Variants in NECAB1 observed in about 807,000 individuals in gnomAD.
NECAB1 encodes N-terminal EF-hand calcium-binding protein 1.
NECAB1 carries 29 observed loss-of-function variants against 57.5 expected under a neutral mutation model. The ratio of observed to expected loss-of-function variants is 0.50; its 90% CI spans 0.38 to 0.69. The LOEUF (loss-of-function observed/expected upper bound fraction) is 0.69, where lower values mean the gene tolerates loss of function less well. NECAB1 is among the 30% of genes least tolerant of loss of function. The pLI is 0.00. For synonymous variants in NECAB1, 142 were observed against 147.7 expected, an observed-to-expected ratio of 0.96 and a Z score of 0.28; for missense variants, 372 against 413.8, an observed-to-expected ratio of 0.90 and a Z score of 0.88.
intron 1 of NECAB1, among the ~76,000 whole-genome samples, chr8:90,799,730 A>G (rs1289619926): frequency 2.0e-5 from 3 of 152,160 alleles, no homozygotes; most frequent in African/African-American, 4.8e-5. Context: ...GTTTGAAGTC[A>G]AGTAATGTGA....
chr8:90,858,328 C>T (rs1180655863), intron 3 of NECAB1, among the ~76,000 whole-genome samples: 2 of 152,066 alleles, frequency 1.3e-5, no homozygotes, highest in Non-Finnish European at 2.9e-5. Flanking sequence ...CCAAGGAAGT[C>T]CCCTGAAATC....
chr8:90,862,038 A>G (rs996740698), intron 3 of NECAB1, among the ~76,000 whole-genome samples: 4 of 152,196 alleles, frequency 2.6e-5, no homozygotes, highest in African/African-American at 9.7e-5. Flanking sequence ...ATACTTTTCA[A>G]TTAGTTTGGA....
intron 6 of NECAB1, among the ~76,000 whole-genome samples, chr8:90,920,683 T>C (rs1810087200): frequency 6.6e-6 from 1 of 152,162 alleles, no homozygotes; most frequent in South Asian, 2.1e-4. Context: ...CTGGGAAGCC[T>C]TCACTGCTCA....
chr8:90,829,940 T>C (rs921568478), intron 3 of NECAB1, among the ~76,000 whole-genome samples: 5 of 152,068 alleles, frequency 3.3e-5, no homozygotes, highest in Non-Finnish European at 5.9e-5. Context: ...AATTGGAAAG[T>C]AATGATTTCA....
chr8:90,902,224 A>T (rs1458923964), intron 5 of NECAB1, among the ~76,000 whole-genome samples: 1 of 152,198 alleles, frequency 6.6e-6, no homozygotes, highest in Non-Finnish European at 1.5e-5. Context: ...GTTTGAGACC[A>T]GCCTGGACAA....
At chr8:90,921,391 A>C (rs188978357) in intron 6 of NECAB1, among the ~76,000 whole-genome samples, 138 of 151,762 alleles carry the variant, frequency 9.1e-4, no homozygotes, top group African/African-American at 2.8e-3. Flanking sequence ...CCTGCAGGTC[A>C]GGCATGGTGG....
intron 5 of NECAB1, among the ~76,000 whole-genome samples, chr8:90,906,374 GT>G (rs927114235): frequency 1.4e-4 from 21 of 152,070 alleles, no homozygotes; most frequent in Non-Finnish European, 2.8e-4. Context: ...CACGCATAGA[GT>G]TTTTTTCCCA....
At chr8:90,935,655 C>T (rs1262118795) in intron 9 of NECAB1, among the ~76,000 whole-genome samples, 1 of 152,094 alleles carries the variant, frequency 6.6e-6, no homozygotes, top group Non-Finnish European at 1.5e-5. Flanking sequence ...ACAAATATAA[C>T]TTATCTAATG....
intron 3 of NECAB1, among the ~76,000 whole-genome samples, chr8:90,853,838 G>A (rs1347684771): frequency 1.3e-5 from 2 of 152,144 alleles, no homozygotes; most frequent in Non-Finnish European, 2.9e-5. Context: ...CCAGGAGATG[G>A]GAGATAAGTC....
intron 5 of NECAB1, among the ~76,000 whole-genome samples, chr8:90,894,795 C>T (rs1217089099): frequency 6.6e-6 from 1 of 152,176 alleles, no homozygotes; most frequent in African/African-American, 2.4e-5. Flanking sequence ...GAGCAGCTAA[C>T]TAATAATCTA....
Position 90,896,529 on chromosome 8 carries a change from C to T in NECAB1, c.357+15399C>T, listed in dbSNP as rs1355189267. ...CTGAGGCAGAAGAATGGCGGGAACC[C>T]GGGAGGCGGAGCTTGCAGTGAACCG... On this transcript the variant is annotated intron_variant, in intron 5 of 12. Transcript: ENST00000417640. Among the ~76,000 whole-genome samples the T allele has an allele frequency of 2.6e-5, 4 of 151,864 alleles. No individual in the cohort carries two copies. The East Asian group carries it at 5.9e-4, about 22-fold the overall frequency.
At chr8:90,925,823 T>TG (rs1329673152) in intron 7 of NECAB1, among the ~76,000 whole-genome samples, 167 bp downstream of exon 7, 6 of 152,118 alleles carry the variant, frequency 3.9e-5, no homozygotes, top group African/African-American at 1.4e-4. Flanking sequence ...AGAACTGGGG[T>TG]GGTGAGCCTA....
intron 6 of NECAB1, among the ~76,000 whole-genome samples, chr8:90,917,911 T>A (rs1810004949): frequency 8.0e-6 from 1 of 125,310 alleles, no homozygotes; most frequent in Non-Finnish European, 1.6e-5. Flanking sequence ...TGTGTATATA[T>A]ATACACACAC....
intron 3 of NECAB1, among the ~76,000 whole-genome samples, chr8:90,854,622 T>C (rs556815507): frequency 1.1e-4 from 16 of 152,348 alleles, no homozygotes; most frequent in African/African-American, 3.4e-4. Context: ...GCAAGATGAA[T>C]TGGCAATTAC....
At chr8:90,801,619 A>G (rs935806921) in intron 1 of NECAB1, 72 bp from the exon 2 acceptor site, 2 of 862,498 alleles carry the variant, frequency 2.3e-6, no homozygotes, top group African/African-American at 1.7e-5. Context: ...TGAATAAATT[A>G]TGTGTAAGTG....
intron 3 of NECAB1, among the ~76,000 whole-genome samples, chr8:90,846,378 G>GA (rs756229470): frequency 5.3e-5 from 8 of 152,162 alleles, no homozygotes; most frequent in South Asian, 4.1e-4. Flanking sequence ...AGTAGAAACA[G>GA]AAAATAACAT....
At chr8:90,795,858 GA>G (rs926229908) in intron 1 of NECAB1, among the ~76,000 whole-genome samples, 21 of 151,232 alleles carry the variant, frequency 1.4e-4, no homozygotes, top group Admixed American at 2.6e-4. Flanking sequence ...CAGAAATTAG[GA>G]AAAAAAAATT....
Position 90,917,415 on chromosome 8 carries a change from A to G in NECAB1, c.358-77A>G, listed in dbSNP as rs575519772. 3.8e-6 allele frequency: 5 copies of G among 1,305,858 alleles called. No homozygotes were observed. In the Admixed American group the frequency reaches 8.0e-5, roughly 21 times the overall value. The allele number at this position is 1,305,858 out of a possible 1,614,324, so 80.9% of individuals were successfully genotyped here. ...GGATCAATCTGGGATTGATGGGTAC[A>G]TGGTAAAAGAAAAAAAAAAAATCCT... On this transcript the variant is annotated intron_variant, in intron 5 of 12. Transcript: ENST00000417640.
chr8:90,956,940 A>G lies in NECAB1; in HGVS notation c.*1428A>G, dbSNP rs557028440. 5.5e-4 allele frequency: 72 copies of G among 131,114 alleles called. No individual in the cohort carries two copies. Among genetic ancestry groups the G allele is most frequent in the African/African-American group, 2.0e-3 (63 of 31,170 alleles). 8.1% of individuals were successfully genotyped at this position (131,114 alleles called of 1,614,324 possible). Reference sequence around the variant, plus strand: ...GTAAATTTTGATATATTGTACATACACACGTGTGTGTGTGTGTGTGTGTGT... The same window carrying G: ...GTAAATTTTGATATATTGTACATACGCACGTGTGTGTGTGTGTGTGTGTGT... On this transcript the variant is annotated 3_prime_UTR_variant, in exon 13 of 13. Transcript: ENST00000417640.
Sources: allele counts gnomAD v4.1 joint callset (sites outside exome capture counted in the v4.1 genomes callset), GRCh38; gene constraint gnomAD v4.1.1; transcripts MANE v1.5; gene names NCBI Gene and HGNC (gene_info 2026-07-23, HGNC 2026-07-21).